Variants in MCC observed in about 807,000 individuals in gnomAD.
MCC encodes MCC regulator of Wnt signaling pathway.
In MCC, 90 loss-of-function variants were observed where a neutral mutation model predicts 116.2. The observed-to-expected ratio is 0.77, with a 90% CI of 0.65 to 0.92. The LOEUF (loss-of-function observed/expected upper bound fraction) is 0.92, where lower values mean the gene tolerates loss of function less well. Among genes scored for constraint, MCC ranks in the 40% least tolerant of loss-of-function variants. MCC has a pLI of 0.00. For missense variants in MCC, 1,516 were observed against 1,312.2 expected, an observed-to-expected ratio of 1.16 and a Z score of -2.40; for synonymous variants, 578 against 510.5, an observed-to-expected ratio of 1.13 and a Z score of -1.78.
chr5:113,239,538 T>C (rs1325933909), intron 3 of MCC, among the ~76,000 whole-genome samples: 1 of 152,174 alleles, frequency 6.6e-6, no homozygotes, highest in African/African-American at 2.4e-5. Context: ...AATCCATTTG[T>C]GGATTTCTGG....
In MCC at chr5:113,195,636, G is replaced by C. The variant is rs76746501; in HGVS notation, c.628-44214C>G. Among the ~76,000 whole-genome samples, 3 of 152,092 alleles carry C rather than the reference G, an allele frequency of 2.0e-5. No homozygotes were observed. In the South Asian group the frequency reaches 6.2e-4, roughly 32 times the overall value. ...AATCTTAAGCACCCTTAGAAGAAAT[G>C]GGCTGGAAGAAAAAGCCAGATGGAG... On this transcript the variant is annotated intron_variant, in intron 3 of 18. Coordinates refer to ENST00000408903, the MANE Select transcript of MCC (RefSeq NM_001085377.2).
Position 113,256,542 on chromosome 5 carries a change from A to C in MCC, c.627+83977T>G, listed in dbSNP as rs577635249. Among the ~76,000 whole-genome samples the C allele has an allele frequency of 2.0e-4, 30 of 152,352 alleles. No homozygotes were observed. The South Asian group carries it at 6.0e-3, about 31-fold the overall frequency. ...CAGTGTATGCAAAGGTCTAGAAGCA[A>C]GATAAAACATGGCATATTCAAGAAA... is the stretch of plus-strand genomic sequence containing the variant. On this transcript the variant is annotated intron_variant, in intron 3 of 18. Transcript: ENST00000408903.
At chr5:113,355,799 A>T (rs1393429311) in intron 2 of MCC, among the ~76,000 whole-genome samples, 2 of 152,018 alleles carry the variant, frequency 1.3e-5, no homozygotes, top group African/African-American at 4.8e-5. Context: ...CAAAGGCCCC[A>T]TCTCCAAATG....
intron 3 of MCC, among the ~76,000 whole-genome samples, chr5:113,278,150 AG>A (rs11357653): frequency 0.15 from 22,874 of 152,208 alleles, 1,765 homozygotes; most frequent in Non-Finnish European, 0.17. Context: ...TGCAAACAGC[AG>A]GGACTTCAGG....
At chr5:113,441,392 G>A (rs935080727) in intron 1 of MCC, among the ~76,000 whole-genome samples, 1 of 152,166 alleles carries the variant, frequency 6.6e-6, no homozygotes, top group South Asian at 2.1e-4. Context: ...AGAGAAAAGA[G>A]AATGGTGTAA....
At chr5:113,347,519 G>A (rs918364223) in intron 2 of MCC, among the ~76,000 whole-genome samples, 4 of 151,876 alleles carry the variant, frequency 2.6e-5, no homozygotes, top group South Asian at 2.1e-4. Flanking sequence ...CAAAAGTAAT[G>A]GGTTGTATTA....
At chr5:113,257,313 TAG>T (rs1018640202) in intron 3 of MCC, among the ~76,000 whole-genome samples, 18 of 151,978 alleles carry the variant, frequency 1.2e-4, no homozygotes, top group Non-Finnish European at 1.2e-4. Flanking sequence ...TGCAAACCTC[TAG>T]AGAGTACAAG....
At chr5:113,143,467 T>C in intron 4 of MCC, 107 bp from the exon 5 acceptor site, 7 of 1,175,574 alleles carry the variant, frequency 6.0e-6, no homozygotes, top group Non-Finnish European at 8.5e-6. Context: ...ACACTGAGTA[T>C]GCCCCAAATA....
chr5:113,054,770 G>T (rs1451268059), intron 14 of MCC, among the ~76,000 whole-genome samples: 1 of 152,288 alleles, frequency 6.6e-6, no homozygotes, highest in African/African-American at 2.4e-5. Context: ...GACCAGGCAG[G>T]GAGCCCCCAG....
intron 1 of MCC, among the ~76,000 whole-genome samples, chr5:113,466,458 T>C: frequency 6.6e-6 from 1 of 151,652 alleles, no homozygotes; most frequent in East Asian, 1.9e-4. Context: ...CTTGCCATAG[T>C]TTGCTGAGAA....
intron 6 of MCC, among the ~76,000 whole-genome samples, chr5:113,112,595 A>T (rs1343495995): frequency 6.6e-6 from 1 of 152,210 alleles, no homozygotes; most frequent in Non-Finnish European, 1.5e-5. Context: ...GTAGTTCTTT[A>T]TAGCAGTGTG....
At chr5:113,052,631 C>T (rs1044317693) in intron 15 of MCC, among the ~76,000 whole-genome samples, 3 of 152,186 alleles carry the variant, frequency 2.0e-5, no homozygotes, top group African/African-American at 7.2e-5. Context: ...CCTCCACTCT[C>T]CAGAGATGGT....
intron 14 of MCC, among the ~76,000 whole-genome samples, chr5:113,057,458 A>G (rs867870774): frequency 1.8e-4 from 27 of 151,740 alleles, no homozygotes; most frequent in Non-Finnish European, 2.9e-5. Flanking sequence ...AAAGATAAAA[A>G]TGACTACTGA....
chr5:113,459,316 T>C (rs1725058883), intron 1 of MCC, among the ~76,000 whole-genome samples: 2 of 151,846 alleles, frequency 1.3e-5, no homozygotes, highest in African/African-American at 4.8e-5. Flanking sequence ...GGCGGGTGGA[T>C]CACGAGGTCA....
At position 113,027,263 on chromosome 5, in the gene MCC, T is replaced by C; in HGVS notation, c.*39A>G. On this transcript the variant is annotated 3_prime_UTR_variant, in exon 19 of 19. Coordinates refer to ENST00000408903, the MANE Select transcript of MCC (RefSeq NM_001085377.2). ...TCTGTCCCCAGTGGCCTGCTGCAGTTTACTTCCCATGGGCAGAACTCCGGT... is the reference window on the plus strand; with the variant it reads ...TCTGTCCCCAGTGGCCTGCTGCAGTCTACTTCCCATGGGCAGAACTCCGGT... 1 of 1,605,990 alleles carries C rather than the reference T, an allele frequency of 6.2e-7. No individual in the cohort carries two copies. The highest frequency in any genetic ancestry group is 8.5e-7 in the Non-Finnish European group (1 of 1,175,142).
chr5:113,340,415 A>C, intron 3 of MCC, 104 bp downstream of exon 3: 1 of 974,290 alleles, frequency 1.0e-6, no homozygotes, highest in Non-Finnish European at 1.6e-6. Flanking sequence ...TACCGCAATA[A>C]AGAAGACAAT....
In MCC at chr5:113,022,162, C is replaced by T. The variant is rs1010673059; in HGVS notation, c.*5140G>A. On this transcript the variant is annotated 3_prime_UTR_variant, in exon 19 of 19. Transcript: ENST00000408903. ...AATGTTTGTAAAATATTATAAATGT[C>T]TCTGTATAAATAAATGGAGTTTTTA... 6.6e-6 allele frequency: 1 copy of T among 152,632 alleles called. No individual in the cohort carries two copies. The highest frequency in any genetic ancestry group is 1.5e-5 in the Non-Finnish European group (1 of 68,012). The allele number at this position is 152,632 out of a possible 1,614,324, so 9.5% of individuals were successfully genotyped here. A position where few individuals can be genotyped will look rare whatever the true frequency, so the allele number is the denominator to read the frequency against.
intron 3 of MCC, among the ~76,000 whole-genome samples, chr5:113,239,790 CG>C (rs143018277): frequency 0.011 from 1,657 of 152,272 alleles, 18 homozygotes; most frequent in Non-Finnish European, 0.018. Context: ...AGATTTCCCA[CG>C]GTGAACTGGC....
At chr5:113,352,748 C>T (rs889314553) in intron 2 of MCC, among the ~76,000 whole-genome samples, 14 of 151,924 alleles carry the variant, frequency 9.2e-5, no homozygotes, top group Non-Finnish European at 2.1e-4. Flanking sequence ...GAGGAAGGGG[C>T]TCCTTTTTCT....
Sources: gnomAD v4.1 joint callset for allele counts (sites outside exome capture counted in the v4.1 genomes callset) on GRCh38, gnomAD v4.1.1 for gene constraint, MANE v1.5 for transcripts, NCBI Gene and HGNC (gene_info 2026-07-23, HGNC 2026-07-21) for gene names.